MAST4: variants seen among roughly 807,000 people sequenced by gnomAD.
The protein encoded by MAST4 is microtubule-associated serine/threonine-protein kinase 4.
In MAST4, 89 loss-of-function variants were observed where a neutral mutation model predicts 162.7. That is an observed-to-expected ratio of 0.55 (90% confidence interval 0.46 to 0.65). MAST4 has a LOEUF of 0.65. MAST4 is among the 30% of genes least tolerant of loss of function. The pLI, the probability that MAST4 is intolerant of heterozygous loss-of-function variation, is 0.00. For missense variants in MAST4, 3,153 were observed against 3,374.0 expected, an observed-to-expected ratio of 0.93 and a Z score of 1.62; for synonymous variants, 1,479 against 1,361.1, an observed-to-expected ratio of 1.09 and a Z score of -1.91.
chr5:66,826,614 A>C (rs763768350), intron 3 of MAST4, among the ~76,000 whole-genome samples: 1 of 149,670 alleles, frequency 6.7e-6, no homozygotes, highest in South Asian at 2.1e-4. Flanking sequence ...ACCCCCCCCA[A>C]TCCCCCGTCT....
rs900793170 is a variant in MAST4 at position 66,655,435 on chromosome 5, C to A, written c.363+58417C>A. 5.9e-5 allele frequency among the ~76,000 whole-genome samples: 9 copies of A among 152,146 alleles called. No homozygotes were observed. The East Asian group carries it at 9.6e-4, about 16-fold the overall frequency. ...GATGACAAAGAGCCAGTTTTAGAAA[C>A]TGAAAGTTATTAGGAAGAACAGTAA... On this transcript the variant is annotated intron_variant, in intron 1 of 28. Coordinates refer to ENST00000403625, the MANE Select transcript of MAST4 (RefSeq NM_001164664.2).
At chr5:66,951,640 G>A (rs1246415927) in intron 4 of MAST4, among the ~76,000 whole-genome samples, 1 of 149,838 alleles carries the variant, frequency 6.7e-6, no homozygotes, top group African/African-American at 2.5e-5. Context: ...GTGTGTGTGT[G>A]TGTGTGTGTG....
At chr5:66,668,686 A>C (rs1156364192) in intron 1 of MAST4, among the ~76,000 whole-genome samples, 1 of 152,242 alleles carries the variant, frequency 6.6e-6, no homozygotes, top group Non-Finnish European at 1.5e-5. Context: ...GGTACATAGC[A>C]AGTGCTGGAA....
At chr5:67,140,242 C>T (rs1025222399) in intron 19 of MAST4, among the ~76,000 whole-genome samples, 6 of 152,358 alleles carry the variant, frequency 3.9e-5, no homozygotes, top group African/African-American at 1.4e-4. Context: ...TTTCCCTACC[C>T]AACACCCGCA....
At chr5:66,969,219 C>T (rs1379567922) in intron 4 of MAST4, among the ~76,000 whole-genome samples, 1 of 152,144 alleles carries the variant, frequency 6.6e-6, no homozygotes, top group Non-Finnish European at 1.5e-5. Context: ...TGCCATTCTC[C>T]ATTTCAGCAT....
At chr5:66,769,447 A>T (rs1199342609) in intron 2 of MAST4, among the ~76,000 whole-genome samples, 2 of 152,216 alleles carry the variant, frequency 1.3e-5, no homozygotes, top group African/African-American at 4.8e-5. Context: ...ATAGTCATGC[A>T]TCGCTTAATG....
chr5:66,875,555 T>A (rs1356647948), intron 3 of MAST4, among the ~76,000 whole-genome samples: 1 of 152,224 alleles, frequency 6.6e-6, no homozygotes, highest in Non-Finnish European at 1.5e-5. Flanking sequence ...TTAAATGAGA[T>A]AATGCATAAA....
At chr5:66,681,661 C>T (rs1249155091) in intron 1 of MAST4, among the ~76,000 whole-genome samples, 1 of 152,194 alleles carries the variant, frequency 6.6e-6, no homozygotes, top group Non-Finnish European at 1.5e-5. Context: ...TATATTTGTG[C>T]TTCTCATACA....
chr5:67,080,808 G>A (rs560301178), intron 5 of MAST4, among the ~76,000 whole-genome samples: 3 of 150,498 alleles, frequency 2.0e-5, no homozygotes, highest in Non-Finnish European at 4.4e-5. Context: ...AGCATGAGAT[G>A]CACAGATTTT....
At position 67,164,059 on chromosome 5, in the gene MAST4, CG is replaced by C. The variant is rs776776525; in HGVS notation, c.4882del (p.Glu1628SerfsTer52). 1 of 1,567,778 alleles carries C rather than the reference CG, an allele frequency of 6.4e-7. No homozygotes were observed. The highest frequency in any genetic ancestry group is 1.2e-5 in the South Asian group (1 of 85,474). On this transcript the variant is annotated frameshift_variant, in exon 29 of 29. Coordinates refer to ENST00000403625, the MANE Select transcript of MAST4 (RefSeq NM_001164664.2). LOFTEE classifies it low-confidence loss of function (END_TRUNC). The surrounding 1 kb of genome is among the most constrained non-coding windows in gnomAD (Gnocchi z 5.3). ...GCGATGTCGGATGGCCGGGTGCCTG[CG>C]GAGCACCGCCAGGGTGGCGGGGACT... The part of the protein sequence containing the change: ...EGAMSDGRVP[A>X]EHRQGGGDFR...
chr5:66,597,054 G>C, intron 1 of MAST4, 36 bp downstream of exon 1: 2 of 1,383,488 alleles, frequency 1.4e-6, no homozygotes, highest in East Asian at 3.0e-5. Context: ...TCTGGGTTCC[G>C]GCAGCCGGGC....
intron 22 of MAST4, 115 bp downstream of exon 22, chr5:67,144,911 C>G: frequency 7.8e-7 from 1 of 1,284,144 alleles, no homozygotes; most frequent in Non-Finnish European, 1.1e-6. Flanking sequence ...TCTCCCACTT[C>G]CAGAGTTTCT....
chr5:66,761,318 T>G (rs1424887447), intron 2 of MAST4, among the ~76,000 whole-genome samples: 2 of 152,206 alleles, frequency 1.3e-5, no homozygotes, highest in Non-Finnish European at 2.9e-5. Context: ...GACTGCAAAA[T>G]ACCCAAATTA....
At chr5:67,027,627 A>G (rs1359376522) in intron 4 of MAST4, among the ~76,000 whole-genome samples, 2 of 152,232 alleles carry the variant, frequency 1.3e-5, no homozygotes, top group African/African-American at 2.4e-5. Flanking sequence ...TGTGCATTTT[A>G]TAAGAATAAG....
At chr5:66,874,686 T>G (rs1761174617) in intron 3 of MAST4, among the ~76,000 whole-genome samples, 1 of 152,200 alleles carries the variant, frequency 6.6e-6, no homozygotes, top group African/African-American at 2.4e-5. Context: ...GGTTTCGGTC[T>G]GCTGTAGGGC....
In MAST4 at chr5:66,827,046, G is replaced by T. The variant is rs59556543; in HGVS notation, c.642+38252G>T. 9.0e-3 allele frequency among the ~76,000 whole-genome samples: 1,375 copies of T among 152,268 alleles called. 25 individuals are homozygous for T. The highest frequency in any genetic ancestry group is 0.031 in the African/African-American group (1,276 of 41,562). ...GCAGGTGAGCCTGTGAAGGTTGGGGGTCTGTTCTCCACCAGCATTACAGAT... is the reference window on the plus strand; with the variant it reads ...GCAGGTGAGCCTGTGAAGGTTGGGGTTCTGTTCTCCACCAGCATTACAGAT... On this transcript the variant is annotated intron_variant, in intron 3 of 28. Transcript: ENST00000403625.
chr5:66,867,226 CT>C (rs1760594936), intron 3 of MAST4, among the ~76,000 whole-genome samples: 1 of 152,058 alleles, frequency 6.6e-6, no homozygotes, highest in Non-Finnish European at 1.5e-5. Context: ...TTAAATTTTC[CT>C]TGTGCCTCTC....
chr5:67,126,528 A>G (rs1054158746), intron 14 of MAST4, among the ~76,000 whole-genome samples: 10 of 152,052 alleles, frequency 6.6e-5, no homozygotes, highest in African/African-American at 2.4e-4. Context: ...TGTTTTTGTC[A>G]AGTTTGTCAA....
intron 3 of MAST4, among the ~76,000 whole-genome samples, chr5:66,830,325 A>T (rs1463628109): frequency 1.3e-5 from 2 of 152,166 alleles, no homozygotes; most frequent in Non-Finnish European, 2.9e-5. Context: ...GAGATAGTTG[A>T]AGCATATAGT....
Sources: gnomAD v4.1 joint callset for allele counts (sites outside exome capture counted in the v4.1 genomes callset) on GRCh38, gnomAD v4.1.1 for gene constraint, Gnocchi (gnomAD v3.1) non-coding constraint, MANE v1.5 for transcripts, NCBI Gene and HGNC (gene_info 2026-07-23, HGNC 2026-07-21) for gene names.